The following PLXDC2 variants were observed in gnomAD, a reference collection of about 807,000 sequenced individuals.
PLXDC2 encodes the protein plexin domain containing 2.
Under a neutral mutation model 68.9 loss-of-function variants are expected in PLXDC2, and 40 were observed. That is an observed-to-expected ratio of 0.58 (90% confidence interval 0.45 to 0.76). The LOEUF is 0.76. Ranked by LOEUF, PLXDC2 falls within the 30% of genes least tolerant of loss-of-function variation. The probability of loss-of-function intolerance (pLI) is 0.00; values close to 1 mark genes in which losing one functional copy is unlikely to be tolerated. For missense variants in PLXDC2, 644 were observed against 661.9 expected (o/e 0.97, Z 0.30); for synonymous variants, 243 against 234.2 (o/e 1.04, Z -0.34).
intron 9 of PLXDC2, among the ~76,000 whole-genome samples, chr10:20,205,053 A>G (rs984793661): frequency 6.6e-6 from 1 of 152,162 alleles, no homozygotes; most frequent in African/African-American, 2.4e-5. Context: ...ACATAGGAAT[A>G]TATTACCCTT....
intron 1 of PLXDC2, among the ~76,000 whole-genome samples, chr10:19,842,010 C>T (rs912269608): frequency 6.6e-6 from 1 of 152,046 alleles, no homozygotes; most frequent in Non-Finnish European, 1.5e-5. Flanking sequence ...GCACAGTGGC[C>T]GGTGCCTATA....
At chr10:19,874,654 A>G (rs942902399) in intron 1 of PLXDC2, among the ~76,000 whole-genome samples, 1 of 152,214 alleles carries the variant, frequency 6.6e-6, no homozygotes, top group East Asian at 1.9e-4. Context: ...CAGACAAGCG[A>G]ATTTTCTTTC....
chr10:20,065,404 G>A (rs994399181), intron 3 of PLXDC2, among the ~76,000 whole-genome samples: 1 of 152,090 alleles, frequency 6.6e-6, no homozygotes, highest in Non-Finnish European at 1.5e-5. Context: ...ATTTCAAGTG[G>A]GGGAGTGATA....
chr10:20,199,147 A>G (rs1589677079), intron 9 of PLXDC2, among the ~76,000 whole-genome samples: 1 of 152,092 alleles, frequency 6.6e-6, no homozygotes, highest in Non-Finnish European at 1.5e-5. Context: ...AAAGAAATCT[A>G]TTAATGCAAT....
At chr10:19,832,091 T>TTCATA (rs1836704594) in intron 1 of PLXDC2, among the ~76,000 whole-genome samples, 1 of 152,250 alleles carries the variant, frequency 6.6e-6, no homozygotes. Context: ...TTTTCATTTA[T>TTCATA]TCATAAGTGC....
At chr10:20,110,306 A>G (rs1281055043) in intron 4 of PLXDC2, among the ~76,000 whole-genome samples, 1 of 152,154 alleles carries the variant, frequency 6.6e-6, no homozygotes, top group Non-Finnish European at 1.5e-5. Context: ...AAGACAGGAT[A>G]GATTAATTAG....
Position 19,978,770 on chromosome 10 carries a change from A to G in PLXDC2, c.113-23005A>G, listed in dbSNP as rs541332332. ...ACTCAGCACTTTAGTTTTGATTACA[A>G]TTGGACCTGCTATTTGATGATTAGT... On this transcript the variant is annotated intron_variant, in intron 1 of 13. Coordinates refer to ENST00000377252, the MANE Select transcript of PLXDC2 (RefSeq NM_032812.9). Among the ~76,000 whole-genome samples, 6 of 152,328 alleles carry G rather than the reference A, an allele frequency of 3.9e-5. No homozygotes were observed. In the East Asian group the frequency reaches 1.2e-3, roughly 29 times the overall value.
rs1234048207 is a variant in PLXDC2 at position 20,273,083 on chromosome 10, A to G, written c.1474-6620A>G. On this transcript the variant is annotated intron_variant, in intron 13 of 13. Transcript: ENST00000377252. ...TAGATTCTAAACAAAGAATGATAGCATTGTGGTTGTAAAGACGGAAAAACA... is the reference window on the plus strand; with the variant it reads ...TAGATTCTAAACAAAGAATGATAGCGTTGTGGTTGTAAAGACGGAAAAACA... Among the ~76,000 whole-genome samples the G allele has an allele frequency of 6.6e-5, 10 of 152,368 alleles. No homozygotes were observed. The East Asian group carries it at 1.7e-3, about 26-fold the overall frequency.
At chr10:20,260,460 A>G (rs758408234) in intron 13 of PLXDC2, among the ~76,000 whole-genome samples, 1 of 152,098 alleles carries the variant, frequency 6.6e-6, no homozygotes, top group Non-Finnish European at 1.5e-5. Context: ...CTTTCTTTCT[A>G]TGTCTGGCTA....
chr10:20,193,739 G>A (rs887830452), intron 9 of PLXDC2, among the ~76,000 whole-genome samples: 2 of 152,036 alleles, frequency 1.3e-5, no homozygotes, highest in Non-Finnish European at 2.9e-5. Context: ...ATGACATTAA[G>A]TGTATTTTAT....
chr10:19,974,122 T>C (rs1420231404), intron 1 of PLXDC2, among the ~76,000 whole-genome samples: 1 of 152,236 alleles, frequency 6.6e-6, no homozygotes, highest in African/African-American at 2.4e-5. Flanking sequence ...ATAGAGATCA[T>C]CAATAGTTTG....
chr10:20,199,962 G>A (rs974435098), intron 9 of PLXDC2, among the ~76,000 whole-genome samples: 2 of 151,892 alleles, frequency 1.3e-5, no homozygotes, highest in Admixed American at 6.6e-5. Flanking sequence ...ATTTAAAAGA[G>A]TTTCGAGAAA....
intron 1 of PLXDC2, among the ~76,000 whole-genome samples, chr10:19,874,666 A>G (rs1335134012): frequency 6.6e-6 from 1 of 152,186 alleles, no homozygotes. Context: ...TTTTCTTTCT[A>G]GGAGCTGGGG....
At chr10:19,935,250 C>T (rs904769113) in intron 1 of PLXDC2, among the ~76,000 whole-genome samples, 1 of 152,180 alleles carries the variant, frequency 6.6e-6, no homozygotes, top group Non-Finnish European at 1.5e-5. Flanking sequence ...CCATCAGCCA[C>T]GTGCTTCTGC....
At chr10:19,987,548 T>C (rs923200237) in intron 1 of PLXDC2, among the ~76,000 whole-genome samples, 1 of 111,496 alleles carries the variant, frequency 9.0e-6, no homozygotes, top group African/African-American at 3.6e-5. Flanking sequence ...GTTGATGTTA[T>C]TTGGTTTTGT....
chr10:19,886,007 G>A (rs1349259984), intron 1 of PLXDC2, among the ~76,000 whole-genome samples: 1 of 152,066 alleles, frequency 6.6e-6, no homozygotes, highest in Non-Finnish European at 1.5e-5. Context: ...TCTTCCATTT[G>A]TTTGTATCCT....
chr10:20,025,152 C>A (rs1045078803), intron 2 of PLXDC2, among the ~76,000 whole-genome samples: 4 of 152,034 alleles, frequency 2.6e-5, no homozygotes, highest in East Asian at 3.8e-4. Context: ...GTTTTAATTT[C>A]TTTGAGAAAT....
At chr10:20,041,400 AT>A (rs200983167) in intron 2 of PLXDC2, among the ~76,000 whole-genome samples, 2,688 of 152,058 alleles carry the variant, frequency 0.018, 75 homozygotes, top group African/African-American at 0.061. Flanking sequence ...AGCTTATTGA[AT>A]TTTTTTCCTC....
chr10:20,263,913 A>T (rs1048806768), intron 13 of PLXDC2, among the ~76,000 whole-genome samples: 1 of 152,114 alleles, frequency 6.6e-6, no homozygotes, highest in African/African-American at 2.4e-5. Flanking sequence ...TTACTCAAAG[A>T]GCTAAAAGCA....
Sources: gnomAD v4.1 joint callset for allele counts (sites outside exome capture counted in the v4.1 genomes callset) on GRCh38, gnomAD v4.1.1 for gene constraint, MANE v1.5 for transcripts, NCBI Gene and HGNC (gene_info 2026-07-23, HGNC 2026-07-21) for gene names.